GRK3: variants seen among roughly 807,000 people sequenced by gnomAD.
The protein encoded by GRK3 is adrenergic, beta, receptor kinase 2.
A neutral mutation model predicts 95.7 loss-of-function variants in GRK3; 54 were observed. That is an observed-to-expected ratio of 0.56 (90% CI 0.45 to 0.71). The LOEUF (loss-of-function observed/expected upper bound fraction) is 0.71, where lower values mean the gene tolerates loss of function less well. Among genes scored for constraint, GRK3 ranks in the 30% least tolerant of loss-of-function variants. GRK3 has a pLI of 0.00. For missense variants in GRK3, 649 were observed against 851.2 expected (o/e 0.76, Z 2.96); for synonymous variants, 281 against 290.8 (o/e 0.97, Z 0.34).
chr22:25,699,794 A>G (rs1446945105), intron 13 of GRK3, among the ~76,000 whole-genome samples: 2 of 146,350 alleles, frequency 1.4e-5, no homozygotes, highest in Non-Finnish European at 3.0e-5. Context: ...TGCCTCACGG[A>G]TTCACGCCAT....
intron 8 of GRK3, 70 bp from the exon 9 acceptor site, chr22:25,678,746 T>A (rs2085052050): frequency 1.2e-6 from 1 of 858,486 alleles, no homozygotes; most frequent in Non-Finnish European, 1.8e-6. Flanking sequence ...TGCCCCAGAG[T>A]GACATATATT....
chr22:25,580,153 G>A (rs1434825922), intron 1 of GRK3: 1 of 152,184 alleles, frequency 6.6e-6, no homozygotes, highest in South Asian at 2.1e-4. Context: ...GACCTTATAG[G>A]GAAGCAACAG....
At chr22:25,654,854 C>T (rs1197423826) in intron 3 of GRK3, among the ~76,000 whole-genome samples, 2 of 152,102 alleles carry the variant, frequency 1.3e-5, no homozygotes, top group East Asian at 3.9e-4. Flanking sequence ...CTCCCCAGCT[C>T]TTCTCACCTC....
intron 14 of GRK3, 34 bp downstream of exon 14, chr22:25,703,610 T>G: frequency 2.1e-6 from 3 of 1,455,430 alleles, no homozygotes; most frequent in East Asian, 2.3e-5. Flanking sequence ...CTTGTCTGTA[T>G]GGTAATTGTC....
At chr22:25,640,546 C>T (rs2146378118) in intron 2 of GRK3, among the ~76,000 whole-genome samples, 1 of 152,308 alleles carries the variant, frequency 6.6e-6, no homozygotes, top group South Asian at 2.1e-4. Flanking sequence ...ATTCTCCTTA[C>T]TGTCTTAATC....
At chr22:25,695,698 G>T (rs2085202137) in intron 13 of GRK3, among the ~76,000 whole-genome samples, 1 of 151,908 alleles carries the variant, frequency 6.6e-6, no homozygotes, top group Non-Finnish European at 1.5e-5. Flanking sequence ...CTGTTGCCTG[G>T]CTGCAGTGTA....
chr22:25,694,990 C>T lies in GRK3; in HGVS notation c.1053-117C>T, dbSNP rs776690330. ...CGTTTGCGGTGAAGCACAACTGTCC[C>T]CTCTCCTTTGTTTACAGTCGCTGCC... On this transcript the variant is annotated intron_variant, in intron 12 of 20. Coordinates refer to ENST00000324198, the MANE Select transcript of GRK3 (RefSeq NM_005160.4). 2.5e-5 allele frequency: 16 copies of T among 641,852 alleles called. 3 individuals carry two copies. In the South Asian group the frequency reaches 2.6e-4, roughly 10 times the overall value. 39.8% of individuals were successfully genotyped at this position (641,852 alleles called of 1,614,324 possible).
chr22:25,636,163 A>G (rs922902194), intron 2 of GRK3, among the ~76,000 whole-genome samples: 1 of 152,206 alleles, frequency 6.6e-6, no homozygotes, highest in Non-Finnish European at 1.5e-5. Context: ...TCCTTGCCCT[A>G]GAATCAATCA....
chr22:25,664,766 G>A (rs1320424936), intron 5 of GRK3, among the ~76,000 whole-genome samples: 9 of 151,992 alleles, frequency 5.9e-5, no homozygotes, highest in Admixed American at 3.3e-4. Context: ...TGATCCGCCC[G>A]CCTCGGCCTC....
chr22:25,716,726 A>G (rs1318165921), intron 18 of GRK3, among the ~76,000 whole-genome samples: 1 of 152,218 alleles, frequency 6.6e-6, no homozygotes, highest in Non-Finnish European at 1.5e-5. Flanking sequence ...AAGAATAACA[A>G]TACAACAATA....
chr22:25,648,239 C>A, intron 3 of GRK3: 1 of 787,542 alleles, frequency 1.3e-6, no homozygotes, highest in Non-Finnish European at 2.3e-6. Context: ...TGAAACACCA[C>A]AAAATTAGGA....
intron 10 of GRK3, 45 bp downstream of exon 10, chr22:25,685,293 ATGATGTTAAATCT>A (rs2085104153): frequency 7.0e-7 from 1 of 1,424,498 alleles, no homozygotes; most frequent in African/African-American, 1.4e-5. Context: ...AGACTTTGCC[ATGATGTTAAATCT>A]TAGCATGCAT....
chr22:25,580,971 T>G (rs1483987241), intron 1 of GRK3: 1 of 152,052 alleles, frequency 6.6e-6, no homozygotes, highest in Non-Finnish European at 1.5e-5. Context: ...AAAAATTAGT[T>G]GGGCATGGTG....
At chr22:25,631,234 AT>A (rs1283627777) in intron 2 of GRK3, among the ~76,000 whole-genome samples, 7 of 152,074 alleles carry the variant, frequency 4.6e-5, no homozygotes, top group Admixed American at 4.6e-4. Context: ...ACTTTCCCTT[AT>A]TTTCATTTGT....
chr22:25,631,025 T>C (rs1400133155), intron 2 of GRK3, among the ~76,000 whole-genome samples: 1 of 152,216 alleles, frequency 6.6e-6, no homozygotes, highest in Non-Finnish European at 1.5e-5. Flanking sequence ...ATGATTATAG[T>C]TAACTGAATA....
chr22:25,648,982 T>C (rs2084808330), intron 3 of GRK3: 1 of 1,035,140 alleles, frequency 9.7e-7, no homozygotes, highest in Non-Finnish European at 1.5e-6. Context: ...TCATTTGGAA[T>C]TCTACAGACA....
At chr22:25,641,077 T>G (rs1005142611) in intron 2 of GRK3, among the ~76,000 whole-genome samples, 1 of 152,252 alleles carries the variant, frequency 6.6e-6, no homozygotes, top group Non-Finnish European at 1.5e-5. Flanking sequence ...GGCAAATATC[T>G]TTCTTCCTGC....
In GRK3 at chr22:25,728,086, C is replaced by T. The variant is rs1300704099; in HGVS notation, c.*5636C>T. ...TCAAAAACATTCCATATTATTTCTG[C>T]TCCTTTTTATTTGTATAGTTTGTTA... On this transcript the variant is annotated 3_prime_UTR_variant, in exon 21 of 21. Transcript: ENST00000324198. 6.6e-6 allele frequency: 1 copy of T among 152,144 alleles called. No homozygotes were observed. Among genetic ancestry groups the T allele is most frequent in the Non-Finnish European group, 1.5e-5 (1 of 68,028 alleles). The allele number at this position is 152,144 out of a possible 1,614,324, so 9.4% of individuals were successfully genotyped here.
At chr22:25,570,366 C>T (rs1931651571) in intron 1 of GRK3, among the ~76,000 whole-genome samples, 1 of 152,180 alleles carries the variant, frequency 6.6e-6, no homozygotes, top group African/African-American at 2.4e-5. Context: ...AAAGGGGCCA[C>T]CTAAGCTGCC....
Sources: allele counts gnomAD v4.1 joint callset (sites outside exome capture counted in the v4.1 genomes callset), GRCh38; gene constraint gnomAD v4.1.1; transcripts MANE v1.5; gene names NCBI Gene and HGNC (gene_info 2026-07-23, HGNC 2026-07-21).